Variants in AFG1L observed in about 807,000 individuals in gnomAD.
AFG1L encodes AFG1-like ATPase.
In AFG1L, 53 loss-of-function variants were observed where a neutral mutation model predicts 62.2. The observed-to-expected ratio is 0.85, with a 90% CI of 0.68 to 1.07. The LOEUF is 1.07. Ranked by LOEUF, AFG1L falls within the 50% of genes least tolerant of loss-of-function variation. The pLI, the probability that AFG1L is intolerant of heterozygous loss-of-function variation, is 0.00. For missense variants in AFG1L, 555 were observed against 590.5 expected (o/e 0.94, Z 0.62); for synonymous variants, 228 against 210.3 (o/e 1.08, Z -0.73).
At chr6:108,338,382 T>G (rs980404668) in intron 2 of AFG1L, among the ~76,000 whole-genome samples, 1 of 152,228 alleles carries the variant, frequency 6.6e-6, no homozygotes, top group Non-Finnish European at 1.5e-5. Flanking sequence ...GAAAGAGCTC[T>G]GTGATCAAAT....
rs555601062 is a variant in AFG1L, at chr6:108,503,524, T to C, written c.1063-6688T>C. 5.3e-5 allele frequency among the ~76,000 whole-genome samples: 8 copies of C among 152,330 alleles called. No homozygotes were observed. In the East Asian group the frequency reaches 1.4e-3, roughly 26 times the overall value. On this transcript the variant is annotated intron_variant, in intron 10 of 12. Transcript: ENST00000368977. ...GCTCTTAAAGGGGGCTTAAAATACG[T>C]AGTAAACCATGCTATAAAAAGATGT...
intron 7 of AFG1L, among the ~76,000 whole-genome samples, chr6:108,446,029 A>G (rs1391267817): frequency 6.7e-6 from 1 of 150,336 alleles, no homozygotes; most frequent in Non-Finnish European, 1.5e-5. Context: ...AAAATGAAGT[A>G]TGCCTCTCAT....
intron 7 of AFG1L, among the ~76,000 whole-genome samples, chr6:108,444,491 A>AT (rs1398560362): frequency 6.6e-6 from 1 of 152,196 alleles, no homozygotes; most frequent in East Asian, 1.9e-4. Flanking sequence ...AAAGGTATTT[A>AT]TGGCAGATAT....
At chr6:108,410,462 G>A (rs1782048159) in intron 7 of AFG1L, among the ~76,000 whole-genome samples, 1 of 152,086 alleles carries the variant, frequency 6.6e-6, no homozygotes, top group Non-Finnish European at 1.5e-5. Flanking sequence ...TAGAAGAGAA[G>A]AGAAGAGTTT....
chr6:108,438,033 C>A (rs1030937902), intron 7 of AFG1L, among the ~76,000 whole-genome samples: 2 of 152,210 alleles, frequency 1.3e-5, no homozygotes, highest in African/African-American at 4.8e-5. Context: ...ACTCACCTCA[C>A]AAGCAAGTGT....
rs11434226 is a variant in AFG1L at position 108,300,153 on chromosome 6, GT to G, written c.139+4947del. ...ACATAGGAGTTTATTCCCTATTAGG[GT>G]TTTTTTTTTTTGAGGTGGAGTTTTG... On this transcript the variant is annotated intron_variant, in intron 1 of 12. Transcript: ENST00000368977. 3.8e-3 allele frequency among the ~76,000 whole-genome samples: 544 copies of G among 144,724 alleles called. 5 individuals are homozygous for G. The highest frequency in any genetic ancestry group is 8.3e-3 in the South Asian group (38 of 4,590). The allele number at this position is 144,724 out of a possible 152,430, so 94.9% of individuals were successfully genotyped here. A position where few individuals can be genotyped will look rare whatever the true frequency, so the allele number is the denominator to read the frequency against.
intron 6 of AFG1L, chr6:108,388,074 T>C (rs1256934195): frequency 6.6e-6 from 1 of 152,134 alleles, no homozygotes; most frequent in Non-Finnish European, 1.5e-5. Context: ...GTGGAAGCTA[T>C]TGTTGGCTGA....
At chr6:108,373,185 G>A (rs12208637) in intron 6 of AFG1L, among the ~76,000 whole-genome samples, 52,592 of 151,476 alleles carry the variant, frequency 0.35, 9,491 homozygotes, top group Non-Finnish European at 0.41. Context: ...ACCCTTACCC[G>A]CTTCTACCCT....
chr6:108,448,429 CATTA>C (rs1324219480), intron 8 of AFG1L, among the ~76,000 whole-genome samples: 3 of 151,916 alleles, frequency 2.0e-5, no homozygotes, highest in African/African-American at 4.8e-5. Context: ...GGTACCAATG[CATTA>C]ATTAATTATT....
At chr6:108,406,615 T>A (rs1331389110) in intron 7 of AFG1L, among the ~76,000 whole-genome samples, 1 of 152,114 alleles carries the variant, frequency 6.6e-6, no homozygotes, top group Non-Finnish European at 1.5e-5. Flanking sequence ...TTTTTGTATT[T>A]TTGGTAGAGA....
intron 7 of AFG1L, among the ~76,000 whole-genome samples, chr6:108,436,054 A>G (rs1362802827): frequency 1.3e-5 from 2 of 152,230 alleles, no homozygotes; most frequent in Non-Finnish European, 2.9e-5. Context: ...AATCTCATTC[A>G]GTATAGAAAA....
chr6:108,395,657 C>T (rs981792488), intron 6 of AFG1L, among the ~76,000 whole-genome samples: 2 of 151,974 alleles, frequency 1.3e-5, no homozygotes, highest in Admixed American at 1.3e-4. Context: ...CCGCCTTGGC[C>T]TCCTAAAGTG....
chr6:108,499,615 G>T (rs1045379015), intron 10 of AFG1L, among the ~76,000 whole-genome samples: 17 of 149,996 alleles, frequency 1.1e-4, no homozygotes, highest in African/African-American at 4.2e-4. Flanking sequence ...TCCATTGGTA[G>T]GTGCAGCACA....
intron 1 of AFG1L, among the ~76,000 whole-genome samples, chr6:108,303,742 A>G (rs1398512023): frequency 1.3e-5 from 2 of 152,188 alleles, no homozygotes; most frequent in Non-Finnish European, 2.9e-5. Context: ...TATCATTTAA[A>G]TGCAACTCCT....
chr6:108,459,506 G>T, intron 8 of AFG1L, among the ~76,000 whole-genome samples: 1 of 152,108 alleles, frequency 6.6e-6, no homozygotes, highest in Non-Finnish European at 1.5e-5. Context: ...GTAACTCTGG[G>T]CCCTCTTATT....
chr6:108,339,389 G>A (rs552845148), intron 2 of AFG1L, among the ~76,000 whole-genome samples: 2 of 151,524 alleles, frequency 1.3e-5, no homozygotes, highest in African/African-American at 4.8e-5. Context: ...ATCTGCTCAT[G>A]TTGGCCTTCC....
chr6:108,449,034 G>C (rs1771934427), intron 8 of AFG1L, among the ~76,000 whole-genome samples: 1 of 151,954 alleles, frequency 6.6e-6, no homozygotes. Context: ...TGTAGTCCCA[G>C]CTACTTGGGA....
At chr6:108,505,946 A>T (rs1395168083) in intron 10 of AFG1L, among the ~76,000 whole-genome samples, 1 of 152,244 alleles carries the variant, frequency 6.6e-6, no homozygotes, top group Non-Finnish European at 1.5e-5. Context: ...TCTGACATTT[A>T]TGGAGAAAAA....
chr6:108,400,950 C>T lies in AFG1L; in HGVS notation c.749-1046C>T, dbSNP rs182295210. On this transcript the variant is annotated intron_variant, in intron 6 of 12. Transcript: ENST00000368977. ...TGATGTATTTTCTAAAAAGGCTAAC[C>T]TTATTACTCAATGTTTAATTCTTTT... 1.6e-4 allele frequency among the ~76,000 whole-genome samples: 24 copies of T among 146,718 alleles called. No homozygotes were observed. In the East Asian group the frequency reaches 4.7e-3, roughly 29 times the overall value.
Sources: gnomAD v4.1 joint callset for allele counts (sites outside exome capture counted in the v4.1 genomes callset) on GRCh38, gnomAD v4.1.1 for gene constraint, MANE v1.5 for transcripts, NCBI Gene and HGNC (gene_info 2026-07-23, HGNC 2026-07-21) for gene names.